The following KIF15 variants were observed in gnomAD, a reference collection of about 807,000 sequenced individuals.
KIF15 encodes kinesin-like protein KIF15.
KIF15 carries 140 observed loss-of-function variants against 190.6 expected under a neutral mutation model. The observed-to-expected ratio is 0.73, with a 90% confidence interval of 0.64 to 0.84. KIF15 has a LOEUF of 0.84. Ranked by LOEUF, KIF15 falls within the 40% of genes least tolerant of loss-of-function variation. The pLI is 0.00. For synonymous variants in KIF15, 528 were observed against 551.3 expected, an observed-to-expected ratio of 0.96 and a Z score of 0.59; for missense variants, 1,372 against 1,584.4, an observed-to-expected ratio of 0.87 and a Z score of 2.28.
intron 4 of KIF15, 46 bp from the exon 5 acceptor site, chr3:44,780,839 C>A: frequency 7.5e-7 from 1 of 1,341,524 alleles, no homozygotes; most frequent in Admixed American, 2.0e-5. Flanking sequence ...GAGGAGTAGT[C>A]TTTTAATTTT....
chr3:44,775,457 TA>T lies in KIF15; in HGVS notation c.246+22del. 6.6e-7 allele frequency: 1 copy of T among 1,514,126 alleles called. No individual in the cohort carries two copies. Among genetic ancestry groups the T allele is most frequent in the Non-Finnish European group, 8.8e-7 (1 of 1,132,914 alleles). 93.8% of individuals were successfully genotyped at this position (1,514,126 alleles called of 1,614,324 possible). ...ACTCAGGTAATGATAATTAGAAACTTAACTTTTTTTTTTTTTTGAAAAGGAG... is the reference window on the plus strand; with the variant it reads ...ACTCAGGTAATGATAATTAGAAACTTACTTTTTTTTTTTTTTGAAAAGGAG... On this transcript the variant is annotated intron_variant, in intron 3 of 34. Coordinates refer to ENST00000326047, the MANE Select transcript of KIF15 (RefSeq NM_020242.3).
At chr3:44,816,609 TG>T (rs1222316826) in intron 20 of KIF15, among the ~76,000 whole-genome samples, 3 of 152,216 alleles carry the variant, frequency 2.0e-5, no homozygotes, top group Admixed American at 1.3e-4. Flanking sequence ...CATGTGTATA[TG>T]TGCCACATTT....
chr3:44,813,568 C>T (rs1283054870), intron 19 of KIF15, among the ~76,000 whole-genome samples: 3 of 151,502 alleles, frequency 2.0e-5, no homozygotes, highest in Non-Finnish European at 2.9e-5. Flanking sequence ...TACAGGAGTG[C>T]ATTACCATGC....
chr3:44,816,208 C>T (rs1708023641), intron 20 of KIF15, among the ~76,000 whole-genome samples: 1 of 152,032 alleles, frequency 6.6e-6, no homozygotes, highest in Non-Finnish European at 1.5e-5. Flanking sequence ...GGCAAAATCC[C>T]ATATTTATCT....
At chr3:44,794,187 T>C in intron 7 of KIF15, 30 bp from the exon 8 acceptor site, 1 of 1,580,372 alleles carries the variant, frequency 6.3e-7, no homozygotes, top group Non-Finnish European at 8.6e-7. Context: ...GGTCCTCTCA[T>C]TTCTTTTAAT....
intron 6 of KIF15, 115 bp downstream of exon 6, chr3:44,785,057 T>C (rs2125915897): frequency 1.8e-6 from 1 of 547,454 alleles, no homozygotes; most frequent in Non-Finnish European, 3.2e-6. Context: ...ACAATATGAA[T>C]AGACTAGCGT....
chr3:44,844,097 G>T (rs2125719930), intron 30 of KIF15, among the ~76,000 whole-genome samples: 1 of 152,250 alleles, frequency 6.6e-6, no homozygotes, highest in South Asian at 2.1e-4. Context: ...CGAGATAGAA[G>T]CCCTTACCGA....
In KIF15 at chr3:44,810,990, G is replaced by C; in HGVS notation, c.2116G>C (p.Glu706Gln). ...NDILNEPVPPEMNEQAFEAIS... is the reference protein window; with the variant it reads ...NDILNEPVPPQMNEQAFEAIS... ...TATATTAAATGAGCCAGTTCCTCCTGAGATGAATGAACAAGCTTTTGAGGC... is the reference window on the plus strand; with the variant it reads ...TATATTAAATGAGCCAGTTCCTCCTCAGATGAATGAACAAGCTTTTGAGGC... The change falls in exon 17 of 35, where the codon GAG becomes CAG. Residue 706 changes from glutamate (E) to glutamine (Q), a missense_variant. By Grantham distance (29) the Glu-to-Gln change is conservative. Transcript: ENST00000326047. The C allele has an allele frequency of 2.5e-6, 4 of 1,613,854 alleles. No individual in the cohort carries two copies. Among genetic ancestry groups the C allele is most frequent in the Non-Finnish European group, 3.4e-6 (4 of 1,179,908 alleles).
chr3:44,865,043 T>C (rs1199602573), intron 6 of KIF15: 1 of 1,614,092 alleles, frequency 6.2e-7, no homozygotes, highest in Non-Finnish European at 8.5e-7. Context: ...CTCGCAGGCC[T>C]TCCTGGGCTA....
intron 8 of KIF15, 140 bp from the exon 9 acceptor site, chr3:44,797,411 T>G (rs895457641): frequency 1.3e-6 from 1 of 764,656 alleles, no homozygotes; most frequent in Admixed American, 2.8e-5. Flanking sequence ...TTTTTATTTG[T>G]TGAATAGTTG....
chr3:44,863,380 G>A (rs768430764), intron 6 of KIF15: 2 of 140,186 alleles, frequency 1.4e-5, no homozygotes, highest in African/African-American at 5.2e-5. Flanking sequence ...CCTTTGTGTA[G>A]GAGGCTTCTA....
intron 22 of KIF15, 136 bp from the exon 23 acceptor site, chr3:44,827,323 C>T (rs543408443): frequency 3.3e-6 from 2 of 607,260 alleles, no homozygotes; most frequent in East Asian, 2.8e-5. Context: ...ATTTCTGATC[C>T]CCCCGGAAGG....
intron 7 of KIF15, among the ~76,000 whole-genome samples, chr3:44,789,873 T>G (rs1706599814): frequency 6.6e-6 from 1 of 151,558 alleles, no homozygotes; most frequent in African/African-American, 2.4e-5. Context: ...TCACCAAACT[T>G]CTCAATAAGA....
rs756467486 is a variant in KIF15, at chr3:44,840,396, A to G, written c.3360A>G (p.Glu1120=). ...KKEEVEQKKN[E]YNFKMRQLEH... is the part of the protein sequence containing the mutation. ...AGGAAGTAGAACAGAAGAAGAATGA[A>G]TATAACTTCAAAATGAGGCAACTAG... The change falls in exon 28 of 35, where the codon GAA becomes GAG. Residue 1120 remains glutamate (E), a synonymous_variant. Transcript: ENST00000326047. The G allele has an allele frequency of 6.0e-5, 96 of 1,610,950 alleles. No homozygotes were observed. The highest frequency in any genetic ancestry group is 7.9e-5 in the Non-Finnish European group (93 of 1,178,872).
chr3:44,802,461 C>G (rs1707324085), intron 13 of KIF15, among the ~76,000 whole-genome samples: 1 of 152,052 alleles, frequency 6.6e-6, no homozygotes, highest in African/African-American at 2.4e-5. Flanking sequence ...TGCACTTCGC[C>G]TTTTTCAGTT....
At position 44,830,085 on chromosome 3, in the gene KIF15, G is replaced by T; in HGVS notation, c.3048+10G>T. 1 of 1,476,518 alleles carries T rather than the reference G, an allele frequency of 6.8e-7. No homozygotes were observed. The highest frequency in any genetic ancestry group is 9.2e-7 in the Non-Finnish European group (1 of 1,083,632). The allele number at this position is 1,476,518 out of a possible 1,614,324, so 91.5% of individuals were successfully genotyped here. A position where few individuals can be genotyped will look rare whatever the true frequency, so the allele number is the denominator to read the frequency against. Reference sequence around the variant, plus strand: ...ACTGAAGGACATAAATGTAAGTTCGGTCACCAACAAGATGTTAAATTTGAG... The same window carrying T: ...ACTGAAGGACATAAATGTAAGTTCGTTCACCAACAAGATGTTAAATTTGAG... On this transcript the variant is annotated intron_variant, in intron 25 of 34. Coordinates refer to ENST00000326047, the MANE Select transcript of KIF15 (RefSeq NM_020242.3).
chr3:44,838,301 T>C lies in KIF15; in HGVS notation c.3198T>C (p.Ala1066=). The C allele has an allele frequency of 6.2e-7, 1 of 1,613,610 alleles. No individual in the cohort carries two copies. The highest frequency in any genetic ancestry group is 8.5e-7 in the Non-Finnish European group (1 of 1,179,806). The change falls in exon 27 of 35, where the codon GCT becomes GCC. Residue 1066 remains alanine, a synonymous_variant. Coordinates refer to ENST00000326047, the MANE Select transcript of KIF15 (RefSeq NM_020242.3). Reference sequence around the variant, plus strand: ...GGGATATGCTCTGTGAGGACCTGGCTCATGCCACTGAGCAGCTGAACATGC... The same window carrying C: ...GGGATATGCTCTGTGAGGACCTGGCCCATGCCACTGAGCAGCTGAACATGC... ...IERDMLCEDL[A]HATEQLNMLT...
chr3:44,764,010 A>G (rs1221678093), intron 1 of KIF15, among the ~76,000 whole-genome samples: 2 of 152,162 alleles, frequency 1.3e-5, no homozygotes, highest in African/African-American at 4.8e-5. Flanking sequence ...TCTGAACCCA[A>G]TCATGTTTGG....
At chr3:44,864,098 A>C in intron 6 of KIF15, 1 of 1,495,084 alleles carries the variant, frequency 6.7e-7, no homozygotes, top group Non-Finnish European at 9.2e-7. Flanking sequence ...GCTCAGTAGG[A>C]GCCTGGGTGC....
Sources: gnomAD v4.1 joint callset for allele counts (sites outside exome capture counted in the v4.1 genomes callset) on GRCh38, gnomAD v4.1.1 for gene constraint, MANE v1.5 for transcripts, NCBI Gene and HGNC (gene_info 2026-07-23, HGNC 2026-07-21) for gene names.